TNS1: variants seen among roughly 807,000 people sequenced by gnomAD.
TNS1 encodes tensin 1.
A neutral mutation model predicts 168.6 loss-of-function variants in TNS1; 62 were observed. That is an observed-to-expected ratio of 0.37 (90% CI 0.30 to 0.45). TNS1 has a LOEUF of 0.45. TNS1 is among the 20% of genes least tolerant of loss of function. TNS1 has a pLI of 1.00. For synonymous variants in TNS1, 934 were observed against 933.2 expected, an observed-to-expected ratio of 1.00 and a Z score of -0.02; for missense variants, 2,240 against 2,339.4, an observed-to-expected ratio of 0.96 and a Z score of 0.88.
chr2:217,893,391 T>TGC lies in TNS1; in HGVS notation c.717+46_717+47dup, dbSNP rs1553602104. The stretch of plus-strand genomic sequence containing the variant: ...TCAGGCACACACACATGTGCGCATG[T>TGC]GCGCGCGCGCACACACACACACACA... On this transcript the variant is annotated intron_variant, in intron 10 of 32. Transcript: ENST00000682258. 3.4e-3 allele frequency: 5,118 copies of TGC among 1,487,660 alleles called. 10 individuals are homozygous for TGC. The highest frequency in any genetic ancestry group is 0.016 in the African/African-American group (1,085 of 66,272). 92.2% of individuals were successfully genotyped at this position (1,487,660 alleles called of 1,614,324 possible).
chr2:217,928,258 A>G (rs1956139360), intron 3 of TNS1, among the ~76,000 whole-genome samples: 1 of 152,224 alleles, frequency 6.6e-6, no homozygotes, highest in Admixed American at 6.5e-5. Context: ...CACAGCTCAA[A>G]GACACTGGCC....
At chr2:217,879,660 T>C (rs554974080) in intron 18 of TNS1, 63 of 274,352 alleles carry the variant, frequency 2.3e-4, no homozygotes, top group Non-Finnish European at 3.4e-4. Context: ...TCTGAAACCT[T>C]GTGCTCATTC....
Position 217,948,304 on chromosome 2 carries a change from C to A in TNS1, c.187-28068G>T, listed in dbSNP as rs769638028. On this transcript the variant is annotated intron_variant, in intron 3 of 32. Transcript: ENST00000682258. The surrounding 1 kb of genome is among the most constrained non-coding windows in gnomAD (Gnocchi z 4.1). Reference sequence around the variant, plus strand: ...GAGCCGCCTCCTCTAGCACCCTGGGCCCTCACTCTCTTCTTCCCCCTCCAT... The same window carrying A: ...GAGCCGCCTCCTCTAGCACCCTGGGACCTCACTCTCTTCTTCCCCCTCCAT... 6.6e-6 allele frequency among the ~76,000 whole-genome samples: 1 copy of A among 152,178 alleles called. No individual in the cohort carries two copies. Among genetic ancestry groups the A allele is most frequent in the Non-Finnish European group, 1.5e-5 (1 of 68,024 alleles).
At chr2:217,976,513 T>C (rs1957899891) in intron 3 of TNS1, among the ~76,000 whole-genome samples, 1 of 152,202 alleles carries the variant, frequency 6.6e-6, no homozygotes, top group Admixed American at 6.5e-5. Flanking sequence ...ACAAAGCCCA[T>C]CTGTCTGCCT....
rs1231468489 is a variant in TNS1 at position 218,033,770 on chromosome 2, C to T, written c.156+50G>A. 6.6e-6 allele frequency among the ~76,000 whole-genome samples: 1 copy of T among 152,232 alleles called. No homozygotes were observed. The highest frequency in any genetic ancestry group is 1.5e-5 in the Non-Finnish European group (1 of 68,046). On this transcript the variant is annotated intron_variant, in intron 1 of 1. Transcript: ENST00000649572. The surrounding 1 kb of genome is among the most constrained non-coding windows in gnomAD (Gnocchi z 4.3). The stretch of plus-strand genomic sequence containing the variant: ...CAGGTGCCCTGGGCTCTGCCAACCG[C>T]CAGCTCCCGACTCGGGGCGTCGTCC...
chr2:218,017,052 G>A (rs1235361063), intron 1 of TNS1, among the ~76,000 whole-genome samples: 1 of 152,198 alleles, frequency 6.6e-6, no homozygotes, highest in Admixed American at 6.5e-5. Flanking sequence ...AAGCAAGCAT[G>A]CCTGGGAGCT....
chr2:217,847,547 T>C lies in TNS1; in HGVS notation c.2970A>G (p.Pro990=). Residue 990 remains proline, a synonymous_variant, in exon 19 of 33, where the codon CCA becomes CCG. Coordinates refer to ENST00000682258, the MANE Select transcript of TNS1 (RefSeq NM_001387777.1). ...SDPSRTPEEE[P]LNLEGLVAHR... is the part of the protein sequence containing the mutation. ...GGGCCACCAGCCCTTCTAAATTCAA[T>C]GGCTCCTCCTCTGGAGTCCGGGAGG... 6.8e-7 allele frequency: 1 copy of C among 1,473,758 alleles called. No homozygotes were observed. The highest frequency in any genetic ancestry group is 1.4e-5 in the African/African-American group (1 of 71,506). The allele number at this position is 1,473,758 out of a possible 1,614,324, so 91.3% of individuals were successfully genotyped here.
intron 4 of TNS1, 118 bp downstream of exon 4, chr2:217,920,077 C>A: frequency 1.4e-6 from 1 of 691,622 alleles, no homozygotes; most frequent in Non-Finnish European, 2.6e-6. Flanking sequence ...CCCTCCTCCT[C>A]CACCTAATTG....
At chr2:217,984,785 T>C (rs1958151355) in intron 2 of TNS1, among the ~76,000 whole-genome samples, 1 of 150,322 alleles carries the variant, frequency 6.7e-6, no homozygotes. Flanking sequence ...AGACAGAGTC[T>C]TGCTCTGTCA....
chr2:217,861,021 T>C (rs919093502), intron 18 of TNS1, among the ~76,000 whole-genome samples: 3 of 152,198 alleles, frequency 2.0e-5, no homozygotes, highest in Admixed American at 6.5e-5. Context: ...GCCTGGGACT[T>C]TGAATTTGAA....
rs1383116213 is a variant in TNS1 at position 217,813,324 on chromosome 2, G to T, written c.4862-17C>A. On this transcript the variant is annotated splice_polypyrimidine_tract_variant and intron_variant, in intron 26 of 32. Transcript: ENST00000682258. The surrounding 1 kb of genome is among the most constrained non-coding windows in gnomAD (Gnocchi z 4.0). ...TCATGTCTCCTGGGACAAAGAGAAA[G>T]AAATAAGGCTCAGTCCCTGCCCATG... is the stretch of plus-strand genomic sequence containing the variant. 1 of 1,554,006 alleles carries T rather than the reference G, an allele frequency of 6.4e-7. No individual in the cohort carries two copies. The highest frequency in any genetic ancestry group is 8.8e-7 in the Non-Finnish European group (1 of 1,142,394).
At chr2:217,940,840 C>A (rs1223646981) in intron 3 of TNS1, among the ~76,000 whole-genome samples, 2 of 152,026 alleles carry the variant, frequency 1.3e-5, no homozygotes, top group African/African-American at 2.4e-5. Context: ...ACGGGCACTT[C>A]CATCATGGGA....
chr2:217,914,224 T>C (rs1291853046), intron 4 of TNS1, among the ~76,000 whole-genome samples: 1 of 152,190 alleles, frequency 6.6e-6, no homozygotes, highest in Non-Finnish European at 1.5e-5. Context: ...TCAGGCACTA[T>C]TTCCATAGTG....
intron 18 of TNS1, among the ~76,000 whole-genome samples, chr2:217,875,312 A>G (rs1437447294): frequency 1.3e-5 from 2 of 152,134 alleles, no homozygotes; most frequent in African/African-American, 4.8e-5. Flanking sequence ...CTCCTGACTG[A>G]TAGAACCACT....
At chr2:217,884,312 C>G (rs550224755) in intron 16 of TNS1, among the ~76,000 whole-genome samples, 1 of 150,522 alleles carries the variant, frequency 6.6e-6, no homozygotes, top group African/African-American at 2.5e-5. Context: ...GATGGACAGA[C>G]GGATGGATGA....
intron 3 of TNS1, among the ~76,000 whole-genome samples, chr2:217,954,087 C>T (rs950986859): frequency 6.6e-6 from 1 of 152,194 alleles, no homozygotes; most frequent in Non-Finnish European, 1.5e-5. Context: ...CTGGCTTGGG[C>T]TAATAAGCCC....
chr2:217,958,484 T>G (rs2125995446), intron 3 of TNS1, among the ~76,000 whole-genome samples: 1 of 152,220 alleles, frequency 6.6e-6, no homozygotes, highest in Non-Finnish European at 1.5e-5. Context: ...ATGGCTGGGA[T>G]GGAGAATGAC....
intron 19 of TNS1, chr2:217,841,433 A>C (rs749767615): frequency 1.8e-4 from 35 of 192,838 alleles, no homozygotes; most frequent in Non-Finnish European, 3.1e-4. Context: ...GGCATTAAAC[A>C]GGACAAAACA....
chr2:218,029,489 A>C (rs1465318337), intron 1 of TNS1, among the ~76,000 whole-genome samples: 1 of 152,244 alleles, frequency 6.6e-6, no homozygotes, highest in African/African-American at 2.4e-5. Context: ...ACAGTAGCCC[A>C]AAACTAGAAA....
Sources: allele counts gnomAD v4.1 joint callset (sites outside exome capture counted in the v4.1 genomes callset), GRCh38; gene constraint gnomAD v4.1.1; non-coding constraint Gnocchi (gnomAD v3.1); transcripts MANE v1.5; gene names NCBI Gene and HGNC (gene_info 2026-07-23, HGNC 2026-07-21).